The following MED13 variants were observed in gnomAD, a reference collection of about 807,000 sequenced individuals.
MED13 encodes the protein mediator of RNA polymerase II transcription subunit 13.
Under a neutral mutation model 225.2 loss-of-function variants are expected in MED13, and 23 were observed. The ratio of observed to expected loss-of-function variants is 0.10; its 90% CI spans 0.07 to 0.14. The LOEUF is 0.14. Among genes scored for constraint, MED13 ranks in the 10% least tolerant of loss-of-function variants. The probability of loss-of-function intolerance (pLI) is 1.00; values close to 1 mark genes in which losing one functional copy is unlikely to be tolerated. For missense variants in MED13, 2,197 were observed against 2,594.5 expected (o/e 0.85, Z 3.33); for synonymous variants, 942 against 889.2 (o/e 1.06, Z -1.06).
chr17:62,008,902 A>C (rs1290730582), intron 9 of MED13, among the ~76,000 whole-genome samples: 4 of 152,194 alleles, frequency 2.6e-5, no homozygotes, highest in Non-Finnish European at 5.9e-5. Context: ...ATCTGGAGCA[A>C]TCTGATGTTG....
chr17:61,991,974 G>A (rs1342910748), intron 11 of MED13, among the ~76,000 whole-genome samples: 1 of 152,194 alleles, frequency 6.6e-6, no homozygotes, highest in Non-Finnish European at 1.5e-5. Flanking sequence ...TTAAACAATG[G>A]AGACAGGTAT....
intron 3 of MED13, among the ~76,000 whole-genome samples, chr17:62,038,722 G>A (rs1246943510): frequency 6.6e-6 from 1 of 152,102 alleles, no homozygotes; most frequent in Non-Finnish European, 1.5e-5. Flanking sequence ...GGAGTGCAGT[G>A]ATACAATCGT....
chr17:62,036,338 T>C (rs183489584), intron 3 of MED13, among the ~76,000 whole-genome samples: 5 of 152,190 alleles, frequency 3.3e-5, no homozygotes, highest in Admixed American at 2.0e-4. Context: ...CAAGAATATA[T>C]GCAAAACAGT....
At chr17:61,967,665 A>C (rs1242076059) in intron 18 of MED13, among the ~76,000 whole-genome samples, 1 of 152,220 alleles carries the variant, frequency 6.6e-6, no homozygotes, top group Non-Finnish European at 1.5e-5. Context: ...ATATGAGGAA[A>C]GTGAGGCCTA....
intron 3 of MED13, among the ~76,000 whole-genome samples, chr17:62,050,090 G>A (rs1007993449): frequency 1.3e-5 from 2 of 152,116 alleles, no homozygotes; most frequent in Non-Finnish European, 2.9e-5. Context: ...CAGGTGCAGC[G>A]GCTCATGCCT....
chr17:62,052,529 T>C lies in MED13; in HGVS notation c.470+8A>G, dbSNP rs563804754. The C allele has an allele frequency of 3.2e-6, 5 of 1,552,174 alleles. No individual in the cohort carries two copies. In the African/African-American group the frequency reaches 4.1e-5, roughly 13 times the overall value. On this transcript the variant is annotated splice_region_variant and intron_variant, in intron 3 of 29. Transcript: ENST00000397786. ...AGAAATATCACGTCAGAATTTAAGATAGCTTACCTTTTATTTATAGGTTTT... is the reference window on the plus strand; with the variant it reads ...AGAAATATCACGTCAGAATTTAAGACAGCTTACCTTTTATTTATAGGTTTT...
chr17:62,021,449 G>A (rs541468552), intron 8 of MED13, among the ~76,000 whole-genome samples: 73 of 132,850 alleles, frequency 5.5e-4, no homozygotes, highest in African/African-American at 1.8e-3. Flanking sequence ...CGGACGGGGC[G>A]GCTGGCCGGG....
At chr17:62,041,253 T>A (rs1458349059) in intron 3 of MED13, among the ~76,000 whole-genome samples, 1 of 152,220 alleles carries the variant, frequency 6.6e-6, no homozygotes, top group Non-Finnish European at 1.5e-5. Flanking sequence ...TTGAAGATTT[T>A]ATGCTTACTG....
Position 61,982,689 on chromosome 17 carries a change from G to C in MED13, c.3314C>G (p.Ala1105Gly). 6.2e-7 allele frequency: 1 copy of C among 1,614,060 alleles called. No individual in the cohort carries two copies. Residue 1105 changes from alanine (A) to glycine (G), a missense_variant, in exon 16 of 30, where the codon GCC becomes GGC. Physicochemically the swap from Ala to Gly is moderately conservative, Grantham distance 60. Transcript: ENST00000397786. ...ATCTGGAATGTAAACTCCAACATCG[G>C]CACCCTTGATGTTCATGTTGCAAAC... ...ICVCNMNIKG[A>G]DVGVYIPDPT...
At chr17:61,949,630 ACT>A (rs2079880198) in intron 28 of MED13, among the ~76,000 whole-genome samples, 1 of 152,072 alleles carries the variant, frequency 6.6e-6, no homozygotes, top group Non-Finnish European at 1.5e-5. Context: ...AGCTAGAAAA[ACT>A]TTTTTAAGTA....
chr17:62,047,903 T>TA (rs1568000737), intron 3 of MED13, among the ~76,000 whole-genome samples: 2 of 151,464 alleles, frequency 1.3e-5, no homozygotes, highest in Admixed American at 1.3e-4. Context: ...AATAGCCTTT[T>TA]AAGAGTTTTT....
In MED13 at chr17:61,984,724, C is replaced by T. The variant is rs2080233421; in HGVS notation, c.2618G>A (p.Ser873Asn). The T allele has an allele frequency of 1.9e-6, 3 of 1,613,882 alleles. No homozygotes were observed. The highest frequency in any genetic ancestry group is 2.2e-5 in the South Asian group (2 of 91,080). Residue 873 changes from serine to asparagine, a missense_variant, in exon 14 of 30, where the codon AGT (serine) becomes AAT (asparagine). Coordinates refer to ENST00000397786, the MANE Select transcript of MED13 (RefSeq NM_005121.3). ...TTTGAACTGCGCTCCTATACTAGAA[C>T]TATTTCCTTCTAGAACAGTTCCTCC... ...TPGGTVLEGN[S>N]SSIGAQFKIE...
In MED13 at chr17:62,047,729, C is replaced by T. The variant is rs1230758741; in HGVS notation, c.470+4808G>A. 3.3e-5 allele frequency among the ~76,000 whole-genome samples: 5 copies of T among 151,482 alleles called. No homozygotes were observed. In the South Asian group the frequency reaches 6.2e-4, roughly 19 times the overall value. ...AGAACTTAAAGTAAAAATAAACAAA[C>T]AAATAAATAAATAAAATAAGATCAT... On this transcript the variant is annotated intron_variant, in intron 3 of 29. Transcript: ENST00000397786.
intron 1 of MED13, among the ~76,000 whole-genome samples, chr17:62,064,572 G>C (rs1436533111): frequency 2.0e-5 from 3 of 152,116 alleles, no homozygotes; most frequent in East Asian, 3.9e-4. Context: ...AGTTTAAAAA[G>C]AAAACATATG....
Position 62,010,775 on chromosome 17 carries a change from C to T in MED13, c.1742G>A (p.Ser581Asn), listed in dbSNP as rs747033965. ...TTGAGGTGGGAAAGACTGGGACAAA[C>T]TGTCTATCCTATCTTCCATTGGTTT... ...PSKPMEDRID[S>N]LSQSFPPQYQ... is the part of the protein sequence containing the mutation. Residue 581 changes from serine (S) to asparagine (N), a missense_variant, in exon 9 of 30, where the codon AGT (serine) becomes AAT (asparagine). Transcript: ENST00000397786. 2 of 1,614,154 alleles carry T rather than the reference C, an allele frequency of 1.2e-6. No homozygotes were observed. The highest frequency in any genetic ancestry group is 1.7e-6 in the Non-Finnish European group (2 of 1,180,022).
chr17:61,994,022 C>T (rs558691162), intron 10 of MED13, among the ~76,000 whole-genome samples: 3 of 149,136 alleles, frequency 2.0e-5, no homozygotes, highest in Non-Finnish European at 4.4e-5. Flanking sequence ...TTTTTTTAAA[C>T]GGAGTATTGC....
rs796080081 is a variant in MED13 at position 61,943,624 on chromosome 17, G to A, written c.*2844C>T. The A allele has an allele frequency of 3.9e-5, 6 of 152,616 alleles. No individual in the cohort carries two copies. Among genetic ancestry groups the A allele is most frequent in the African/African-American group, 1.4e-4 (6 of 41,534 alleles). The allele number at this position is 152,616 out of a possible 1,614,324, so 9.5% of individuals were successfully genotyped here. A position where few individuals can be genotyped will look rare whatever the true frequency, so the allele number is the denominator to read the frequency against. On this transcript the variant is annotated 3_prime_UTR_variant, in exon 30 of 30. Coordinates refer to ENST00000397786, the MANE Select transcript of MED13 (RefSeq NM_005121.3). ...AAATTACAGCTACTTTAAAATTTAA[G>A]GATTACATATAAGTACACTTGGTGG...
intron 28 of MED13, 112 bp from the exon 29 acceptor site, chr17:61,947,129 C>T (rs575876385): frequency 3.0e-6 from 2 of 668,154 alleles, no homozygotes; most frequent in East Asian, 2.9e-5. Flanking sequence ...CATTTTAGTC[C>T]TATGTTATGA....
chr17:61,966,588 C>T lies in MED13; in HGVS notation c.4255G>A (p.Gly1419Arg). Residue 1419 changes from glycine (G) to arginine (R), a missense_variant, in exon 19 of 30, where the codon GGA becomes AGA. By Grantham distance (125) the Gly-to-Arg change is moderately radical. Coordinates refer to ENST00000397786, the MANE Select transcript of MED13 (RefSeq NM_005121.3). Reference protein sequence around the residue: ...RLLTDGIMRVGSTASKKLSEK... With the variant: ...RLLTDGIMRVRSTASKKLSEK... ...GATAGTTTCTTTGATGCAGTAGATC[C>T]AACTCTCATGATCCCATCTGTTAAC... The T allele has an allele frequency of 6.2e-7, 1 of 1,613,878 alleles. No individual in the cohort carries two copies. The highest frequency in any genetic ancestry group is 8.5e-7 in the Non-Finnish European group (1 of 1,179,870).
Sources: gnomAD v4.1 joint callset for allele counts (sites outside exome capture counted in the v4.1 genomes callset) on GRCh38, gnomAD v4.1.1 for gene constraint, MANE v1.5 for transcripts, NCBI Gene and HGNC (gene_info 2026-07-23, HGNC 2026-07-21) for gene names.